The following ADGRL3 variants were observed in gnomAD, a reference collection of about 807,000 sequenced individuals.
ADGRL3 encodes adhesion G protein-coupled receptor L3.
Under a neutral mutation model 153.5 loss-of-function variants are expected in ADGRL3, and 62 were observed. That is an observed-to-expected ratio of 0.40 (90% confidence interval 0.33 to 0.50). The LOEUF (loss-of-function observed/expected upper bound fraction) is 0.50, where lower values mean the gene tolerates loss of function less well. Among genes scored for constraint, ADGRL3 ranks in the 20% least tolerant of loss-of-function variants. The pLI is 0.47. For missense variants in ADGRL3, 1,641 were observed against 1,859.4 expected (o/e 0.88, Z 2.16); for synonymous variants, 710 against 672.5 (o/e 1.06, Z -0.86).
At chr4:61,985,159 A>G (rs1399680704) in intron 19 of ADGRL3, among the ~76,000 whole-genome samples, 1 of 152,160 alleles carries the variant, frequency 6.6e-6, no homozygotes, top group Non-Finnish European at 1.5e-5. Flanking sequence ...GTGAGAAAAT[A>G]AAATACTAGA....
intron 1 of ADGRL3, among the ~76,000 whole-genome samples, chr4:61,242,991 G>C (rs1755612770): frequency 6.6e-6 from 1 of 152,026 alleles, no homozygotes; most frequent in Admixed American, 6.6e-5. Context: ...AGAAAATAGG[G>C]CAAGTGCCAT....
At chr4:61,801,513 A>G (rs1412807413) in intron 8 of ADGRL3, among the ~76,000 whole-genome samples, 2 of 152,140 alleles carry the variant, frequency 1.3e-5, no homozygotes, top group Non-Finnish European at 1.5e-5. Flanking sequence ...GTAGTAGAAT[A>G]AAGTGAAATA....
intron 1 of ADGRL3, among the ~76,000 whole-genome samples, chr4:61,327,531 C>T (rs1446029709): frequency 6.6e-6 from 1 of 151,664 alleles, no homozygotes; most frequent in Non-Finnish European, 1.5e-5. Context: ...CATAAAGTAT[C>T]GTCTAATCAG....
chr4:61,863,865 T>A (rs6813630), intron 9 of ADGRL3, among the ~76,000 whole-genome samples: 1 of 152,180 alleles, frequency 6.6e-6, no homozygotes, highest in South Asian at 2.1e-4. Context: ...CAAAAGCTGA[T>A]TTTTCAAAGG....
chr4:61,412,222 C>T (rs1050320352), intron 2 of ADGRL3, among the ~76,000 whole-genome samples: 2 of 152,138 alleles, frequency 1.3e-5, no homozygotes, highest in African/African-American at 4.8e-5. Context: ...GCTGGGACTA[C>T]AGGCATGTAT....
At chr4:61,955,261 G>T (rs1314514826) in intron 17 of ADGRL3, among the ~76,000 whole-genome samples, 7 of 152,078 alleles carry the variant, frequency 4.6e-5, no homozygotes, top group Admixed American at 4.6e-4. Context: ...AAACTAGACA[G>T]TAGTAAAAAC....
At chr4:61,960,626 C>A (rs1326802134) in intron 17 of ADGRL3, among the ~76,000 whole-genome samples, 5 of 152,162 alleles carry the variant, frequency 3.3e-5, no homozygotes, top group African/African-American at 1.2e-4. Context: ...GAGAAGGAAA[C>A]TTCAGCCATG....
intron 2 of ADGRL3, among the ~76,000 whole-genome samples, chr4:61,386,138 C>T (rs1245539642): frequency 6.6e-6 from 1 of 152,150 alleles, no homozygotes. Context: ...TGAGTCCTCA[C>T]ATCTAGAAAA....
chr4:61,559,189 G>A (rs1349228007), intron 4 of ADGRL3, among the ~76,000 whole-genome samples: 1 of 151,988 alleles, frequency 6.6e-6, no homozygotes, highest in East Asian at 1.9e-4. Context: ...CCTGGCAATG[G>A]TAGCAGCTTA....
At chr4:61,562,383 T>A (rs377740732) in intron 4 of ADGRL3, among the ~76,000 whole-genome samples, 3 of 152,154 alleles carry the variant, frequency 2.0e-5, no homozygotes, top group Non-Finnish European at 4.4e-5. Context: ...GACTCTCCCT[T>A]TCACACAATA....
intron 4 of ADGRL3, among the ~76,000 whole-genome samples, chr4:61,562,125 T>G (rs1407818392): frequency 1.3e-5 from 2 of 152,194 alleles, no homozygotes; most frequent in African/African-American, 4.8e-5. Flanking sequence ...AAAATTTATG[T>G]TTACACTATT....
intron 19 of ADGRL3, among the ~76,000 whole-genome samples, chr4:61,988,730 G>A (rs2099094177): frequency 6.6e-6 from 1 of 152,226 alleles, no homozygotes; most frequent in South Asian, 2.1e-4. Context: ...GCAGTGGATT[G>A]GAAGAAGGAA....
chr4:62,050,155 G>A (rs1733338339), intron 25 of ADGRL3, among the ~76,000 whole-genome samples: 1 of 151,848 alleles, frequency 6.6e-6, no homozygotes, highest in African/African-American at 2.4e-5. Flanking sequence ...TACCCTGGAG[G>A]CTAACAAAAA....
At chr4:61,800,828 A>G (rs1026485253) in intron 8 of ADGRL3, among the ~76,000 whole-genome samples, 2 of 152,182 alleles carry the variant, frequency 1.3e-5, no homozygotes, top group Non-Finnish European at 1.5e-5. Context: ...TGTGTGTAAT[A>G]TGGTCAGGAT....
At chr4:62,025,184 A>G (rs1717762274) in intron 21 of ADGRL3, among the ~76,000 whole-genome samples, 1 of 152,098 alleles carries the variant, frequency 6.6e-6, no homozygotes, top group Non-Finnish European at 1.5e-5. Context: ...ATGCTATCTT[A>G]AATATCCTTA....
At chr4:62,007,954 G>T (rs1369199650) in intron 21 of ADGRL3, among the ~76,000 whole-genome samples, 4 of 152,104 alleles carry the variant, frequency 2.6e-5, no homozygotes, top group African/African-American at 9.7e-5. Context: ...GAGATAGGAA[G>T]AAATCTACAG....
chr4:62,011,174 A>G (rs548040363), intron 21 of ADGRL3, among the ~76,000 whole-genome samples: 17 of 152,284 alleles, frequency 1.1e-4, no homozygotes, highest in African/African-American at 3.4e-4. Flanking sequence ...ACCCATCACT[A>G]GGTTCATGGC....
At chr4:62,052,713 G>T (rs557609812) in intron 25 of ADGRL3, among the ~76,000 whole-genome samples, 86 of 150,826 alleles carry the variant, frequency 5.7e-4, no homozygotes, top group Non-Finnish European at 8.6e-4. Context: ...GAATATTTTG[G>T]TGAGGGCAAA....
chr4:61,740,342 A>G (rs144180057), intron 8 of ADGRL3, among the ~76,000 whole-genome samples: 2 of 152,332 alleles, frequency 1.3e-5, no homozygotes, highest in African/African-American at 4.8e-5. Flanking sequence ...CATGAGCATC[A>G]TAACTCTAAA....
Sources: allele counts gnomAD v4.1 joint callset (sites outside exome capture counted in the v4.1 genomes callset), GRCh38; gene constraint gnomAD v4.1.1; transcripts MANE v1.5; gene names NCBI Gene and HGNC (gene_info 2026-07-23, HGNC 2026-07-21).